The following KDM4C variants were observed in gnomAD, a reference collection of about 807,000 sequenced individuals.
KDM4C encodes the protein lysine demethylase 4C.
KDM4C carries 81 observed loss-of-function variants against 129.3 expected under a neutral mutation model. That is an observed-to-expected ratio of 0.63 (90% CI 0.52 to 0.75). KDM4C has a LOEUF of 0.75. Ranked by LOEUF, KDM4C falls within the 30% of genes least tolerant of loss-of-function variation. The probability of loss-of-function intolerance (pLI) is 0.00; values close to 1 mark genes in which losing one functional copy is unlikely to be tolerated. For synonymous variants in KDM4C, 573 were observed against 456.1 expected, an observed-to-expected ratio of 1.26 and a Z score of -3.26; for missense variants, 1,457 against 1,304.0, an observed-to-expected ratio of 1.12 and a Z score of -1.81.
At chr9:6,933,396 G>C (rs1824124338) in intron 8 of KDM4C, among the ~76,000 whole-genome samples, 4 of 152,092 alleles carry the variant, frequency 2.6e-5, no homozygotes, top group Admixed American at 2.0e-4. Context: ...TTGGTGAGGG[G>C]GCATAACCAT....
chr9:7,059,464 T>C (rs970149636), intron 17 of KDM4C, among the ~76,000 whole-genome samples: 2 of 152,198 alleles, frequency 1.3e-5, no homozygotes, highest in Non-Finnish European at 2.9e-5. Context: ...GGGCAAACTA[T>C]CTGTTACAAA....
At chr9:6,872,160 G>A (rs117679574) in intron 5 of KDM4C, among the ~76,000 whole-genome samples, 1 of 152,202 alleles carries the variant, frequency 6.6e-6, no homozygotes, top group Non-Finnish European at 1.5e-5. Flanking sequence ...GAGTTAAATT[G>A]TGGAGGTCTT....
At chr9:6,967,018 A>T (rs1008942408) in intron 8 of KDM4C, among the ~76,000 whole-genome samples, 1 of 152,220 alleles carries the variant, frequency 6.6e-6, no homozygotes, top group African/African-American at 2.4e-5. Flanking sequence ...GAGGAGGATA[A>T]AACATTTGCA....
In KDM4C at chr9:6,990,540, T is replaced by C. The variant is rs1347331811; in HGVS notation, c.1786+16T>C. ...AGTGATGAAGGTGAGATGGTGACCC[T>C]TTTTGGGATTTTTTTTTTTTTTTTT... On this transcript the variant is annotated intron_variant, in intron 12 of 21. Coordinates refer to ENST00000381309, the MANE Select transcript of KDM4C (RefSeq NM_015061.6). 7.2e-7 allele frequency: 1 copy of C among 1,396,384 alleles called. No individual in the cohort carries two copies. The highest frequency in any genetic ancestry group is 9.5e-7 in the Non-Finnish European group (1 of 1,055,646). 86.5% of individuals were successfully genotyped at this position (1,396,384 alleles called of 1,614,324 possible). A position where few individuals can be genotyped will look rare whatever the true frequency, so the allele number is the denominator to read the frequency against.
chr9:6,938,717 G>T (rs1313680767), intron 8 of KDM4C, among the ~76,000 whole-genome samples: 1 of 152,140 alleles, frequency 6.6e-6, no homozygotes, highest in African/African-American at 2.4e-5. Context: ...GTCTTCTGTT[G>T]TGTAACTTCA....
At chr9:6,839,682 G>A (rs1836558473) in intron 4 of KDM4C, among the ~76,000 whole-genome samples, 1 of 152,050 alleles carries the variant, frequency 6.6e-6, no homozygotes, top group South Asian at 2.1e-4. Flanking sequence ...CGAGGCAGGA[G>A]GATCACTTGA....
chr9:6,946,703 A>G (rs1192121233), intron 8 of KDM4C, among the ~76,000 whole-genome samples: 1 of 152,158 alleles, frequency 6.6e-6, no homozygotes, highest in Non-Finnish European at 1.5e-5. Flanking sequence ...CTGAGTTTAT[A>G]ATCAGTATGT....
At position 7,103,864 on chromosome 9, in the gene KDM4C, C is replaced by A. The variant is rs1837383975; in HGVS notation, c.2604C>A (p.Pro868=). 1.9e-6 allele frequency: 3 copies of A among 1,613,740 alleles called. No individual in the cohort carries two copies. The highest frequency in any genetic ancestry group is 2.5e-6 in the Non-Finnish European group (3 of 1,179,770). Residue 868 remains proline, a synonymous_variant, in exon 18 of 22, where the codon CCC becomes CCA. Coordinates refer to ENST00000381309, the MANE Select transcript of KDM4C (RefSeq NM_015061.6). ...CATGCTTTCGACATAAGGTCAACCC[C>A]AACGTGGTAAGATGTGCCCTCCCTT... ...NITCFRHKVN[P]NVKSKACEKV... is the part of the protein sequence containing the mutation.
In KDM4C at chr9:6,986,378, C is replaced by A; in HGVS notation, c.1389C>A (p.Asp463Glu). 1 of 1,613,192 alleles carries A rather than the reference C, an allele frequency of 6.2e-7. No individual in the cohort carries two copies. Among genetic ancestry groups the A allele is most frequent in the South Asian group, 1.1e-5 (1 of 90,972 alleles). ...NSCLSTSVTEDIKTEDDKAYA... is the reference protein window; with the variant it reads ...NSCLSTSVTEEIKTEDDKAYA... ...GCTTAAGTACATCTGTAACAGAAGA[C>A]ATAAAAACTGAGGATGACAAAGCTT... The change falls in exon 11 of 22, where the codon GAC becomes GAA. Residue 463 changes from aspartate (D) to glutamate (E), a missense_variant. Transcript: ENST00000381309.
intron 15 of KDM4C, among the ~76,000 whole-genome samples, chr9:7,034,874 G>A (rs1224337053): frequency 6.6e-6 from 1 of 152,148 alleles, no homozygotes; most frequent in Non-Finnish European, 1.5e-5. Flanking sequence ...CATTCTCACT[G>A]GGGTGAAAGG....
chr9:6,875,601 A>C (rs1429607433), intron 5 of KDM4C, among the ~76,000 whole-genome samples: 2 of 152,146 alleles, frequency 1.3e-5, no homozygotes, highest in African/African-American at 4.8e-5. Context: ...AGTGGCGATA[A>C]CTTTGGGTGT....
intron 1 of KDM4C, among the ~76,000 whole-genome samples, chr9:6,761,704 TAA>T (rs1295075928): frequency 1.3e-5 from 2 of 152,208 alleles, no homozygotes; most frequent in Admixed American, 6.6e-5. Flanking sequence ...TATTTAGTGA[TAA>T]GATAGGTACA....
intron 15 of KDM4C, among the ~76,000 whole-genome samples, chr9:7,036,108 A>G (rs1827602857): frequency 6.6e-6 from 1 of 152,174 alleles, no homozygotes. Flanking sequence ...TAATTCTTCC[A>G]ATCTATGAGC....
At chr9:6,941,091 C>T (rs1825854592) in intron 8 of KDM4C, among the ~76,000 whole-genome samples, 1 of 151,014 alleles carries the variant, frequency 6.6e-6, no homozygotes, top group South Asian at 2.1e-4. Flanking sequence ...AGTGCAGTGG[C>T]ACAATCTCAG....
intron 6 of KDM4C, among the ~76,000 whole-genome samples, chr9:6,885,658 G>T (rs1207862315): frequency 6.6e-6 from 1 of 150,962 alleles, no homozygotes; most frequent in Non-Finnish European, 1.5e-5. Flanking sequence ...AGTATGGCAA[G>T]GAATTGACTG....
chr9:7,134,420 A>C (rs1365244017), intron 19 of KDM4C, among the ~76,000 whole-genome samples: 1 of 152,258 alleles, frequency 6.6e-6, no homozygotes, highest in African/African-American at 2.4e-5. Flanking sequence ...ATTAATGTTC[A>C]CATGATGCAT....
At chr9:7,008,970 C>T (rs548781771) in intron 12 of KDM4C, among the ~76,000 whole-genome samples, 1 of 152,260 alleles carries the variant, frequency 6.6e-6, no homozygotes, top group South Asian at 2.1e-4. Context: ...AACTCATGGT[C>T]ACAAGAATCA....
At chr9:6,858,770 C>T (rs556688518) in intron 5 of KDM4C, among the ~76,000 whole-genome samples, 2 of 125,008 alleles carry the variant, frequency 1.6e-5, no homozygotes, top group Non-Finnish European at 3.2e-5. Context: ...ATTTTGTCTC[C>T]CCCCCCGGCA....
At chr9:6,861,385 C>T (rs1183459325) in intron 5 of KDM4C, among the ~76,000 whole-genome samples, 1 of 152,180 alleles carries the variant, frequency 6.6e-6, no homozygotes, top group African/African-American at 2.4e-5. Context: ...GTTAATCTAA[C>T]ATACTTTTAG....
Sources: allele counts gnomAD v4.1 joint callset (sites outside exome capture counted in the v4.1 genomes callset), GRCh38; gene constraint gnomAD v4.1.1; transcripts MANE v1.5; gene names NCBI Gene and HGNC (gene_info 2026-07-23, HGNC 2026-07-21).